AMDHD1: variants seen among roughly 807,000 people sequenced by gnomAD.
The protein encoded by AMDHD1 is amidohydrolase domain containing 1, also known as probable imidazolonepropionase.
In AMDHD1, 45 loss-of-function variants were observed where a neutral mutation model predicts 44.1. The observed-to-expected ratio is 1.02, with a 90% CI of 0.80 to 1.31. AMDHD1 has a LOEUF of 1.31. Ranked by LOEUF, AMDHD1 falls within the 50% of genes most tolerant of loss-of-function variation. AMDHD1 has a pLI of 0.00. For synonymous variants in AMDHD1, 206 were observed against 205.0 expected (o/e 1.00, Z -0.04); for missense variants, 586 against 552.1 (o/e 1.06, Z -0.61).
In AMDHD1 at chr12:95,959,790, C is replaced by CTTTTTTT. The variant is rs63130861; in HGVS notation, c.588-591_588-585dup. Among the ~76,000 whole-genome samples the CTTTTTTT allele has an allele frequency of 2.2e-4, 15 of 67,360 alleles. 1 individual carries two copies. Among genetic ancestry groups the CTTTTTTT allele is most frequent in the African/African-American group, 3.1e-4 (5 of 16,272 alleles). 44.2% of individuals were successfully genotyped at this position (67,360 alleles called of 152,430 possible). ...GAGTGTCCTTGACAGGAAGATTATGCTTTTTTTTTTTTTTTTTTTTTTTGA... is the reference window on the plus strand; with the variant it reads ...GAGTGTCCTTGACAGGAAGATTATGCTTTTTTTTTTTTTTTTTTTTTTTTTTTTTTGA... On this transcript the variant is annotated intron_variant, in intron 4 of 8. Coordinates refer to ENST00000266736, the MANE Select transcript of AMDHD1 (RefSeq NM_152435.3).
At chr12:95,956,360 G>C (rs1210686887) in intron 3 of AMDHD1, among the ~76,000 whole-genome samples, 1 of 152,112 alleles carries the variant, frequency 6.6e-6, no homozygotes, top group African/African-American at 2.4e-5. Context: ...TGCCCACCTA[G>C]GCCTCCCAAA....
intron 1 of AMDHD1, among the ~76,000 whole-genome samples, chr12:95,951,877 CTT>C (rs1275394231): frequency 2.0e-5 from 3 of 152,158 alleles, no homozygotes; most frequent in Non-Finnish European, 4.4e-5. Flanking sequence ...ATTTGTATCT[CTT>C]CTTTTGAAAA....
chr12:95,955,144 G>T (rs926972106), intron 3 of AMDHD1, among the ~76,000 whole-genome samples, 169 bp downstream of exon 3: 1 of 152,072 alleles, frequency 6.6e-6, no homozygotes, highest in Non-Finnish European at 1.5e-5. Context: ...ATTTATAACT[G>T]CCCCAAATCA....
intron 2 of AMDHD1, among the ~76,000 whole-genome samples, chr12:95,954,464 A>C (rs1222525954): frequency 6.6e-6 from 1 of 151,956 alleles, no homozygotes; most frequent in East Asian, 1.9e-4. Flanking sequence ...GCTACTAGGG[A>C]GGCTGAGGTG....
chr12:95,967,588 C>T (rs2080617675), intron 8 of AMDHD1, among the ~76,000 whole-genome samples, 168 bp from the exon 9 acceptor site: 1 of 152,136 alleles, frequency 6.6e-6, no homozygotes, highest in African/African-American at 2.4e-5. Flanking sequence ...GTTTGATTTA[C>T]CATAGACCAG....
intron 1 of AMDHD1, among the ~76,000 whole-genome samples, chr12:95,947,946 T>G (rs1592820674): frequency 3.5e-5 from 4 of 114,872 alleles, no homozygotes; most frequent in African/African-American, 6.7e-5. Flanking sequence ...GGTGGGGGGG[T>G]CAGCCCCCCG....
intron 5 of AMDHD1, 133 bp downstream of exon 5, chr12:95,960,756 A>C: frequency 2.1e-6 from 2 of 963,460 alleles, no homozygotes; most frequent in Non-Finnish European, 3.1e-6. Context: ...CAATGTACAG[A>C]TTGGTCTGGT....
Position 95,954,937 on chromosome 12 carries a change from G to A in AMDHD1, c.271G>A (p.Val91Ile). The A allele has an allele frequency of 6.2e-7, 1 of 1,614,198 alleles. No homozygotes were observed. Among genetic ancestry groups the A allele is most frequent in the Non-Finnish European group, 8.5e-7 (1 of 1,180,032 alleles). ...TTTGGTGGATGCACACACACATCCA[G>A]TATGGGCTGGTGAAAGAGTTCACGA... ...PGLVDAHTHP[V>I]WAGERVHEFA... The change falls in exon 3 of 9, where the codon GTA becomes ATA. Residue 91 changes from valine (V) to isoleucine (I), a missense_variant. Physicochemically the swap from Val to Ile is conservative, Grantham distance 29 (BLOSUM62 3). Transcript: ENST00000266736.
intron 1 of AMDHD1, 54 bp from the exon 2 acceptor site, chr12:95,952,663 G>T: frequency 8.6e-7 from 1 of 1,162,250 alleles, no homozygotes; most frequent in South Asian, 1.3e-5. Context: ...TCACTCATCA[G>T]ATTTCTCACA....
intron 5 of AMDHD1, among the ~76,000 whole-genome samples, chr12:95,961,592 C>T (rs151318310): frequency 3.3e-5 from 5 of 152,298 alleles, no homozygotes; most frequent in African/African-American, 1.2e-4. Context: ...TTGATCTCTT[C>T]GTATTTCTTC....
chr12:95,947,748 G>A (rs1255414168), intron 1 of AMDHD1, among the ~76,000 whole-genome samples: 22 of 77,148 alleles, frequency 2.9e-4, no homozygotes, highest in East Asian at 1.4e-3. Flanking sequence ...CAGCCGCCCC[G>A]TCCGGGAGGG....
At chr12:95,963,853 G>A (rs2080595118) in intron 6 of AMDHD1, among the ~76,000 whole-genome samples, 1 of 152,034 alleles carries the variant, frequency 6.6e-6, no homozygotes, top group Admixed American at 6.6e-5. Flanking sequence ...CAACATGGTT[G>A]AACTCCGTCT....
At chr12:95,967,686 T>C in intron 8 of AMDHD1, 70 bp from the exon 9 acceptor site, 1 of 1,218,202 alleles carries the variant, frequency 8.2e-7, no homozygotes, top group East Asian at 2.5e-5. Flanking sequence ...AATTAGCATT[T>C]ATTGATAAAG....
At chr12:95,955,773 A>T (rs2080546456) in intron 3 of AMDHD1, among the ~76,000 whole-genome samples, 1 of 152,190 alleles carries the variant, frequency 6.6e-6, no homozygotes, top group Non-Finnish European at 1.5e-5. Flanking sequence ...TCCGGCCAGG[A>T]GACCCCAGGC....
rs1403742643 is a variant in AMDHD1, at chr12:95,946,061, C to CTCTCTGTGTG, written c.137+2527_137+2528insCTCTGTGTGT. Among the ~76,000 whole-genome samples, 229 of 122,580 alleles carry CTCTCTGTGTG rather than the reference C, an allele frequency of 1.9e-3. 1 individual carries two copies. Among genetic ancestry groups the CTCTCTGTGTG allele is most frequent in the African/African-American group, 5.8e-3 (219 of 37,754 alleles). 80.4% of individuals were successfully genotyped at this position (122,580 alleles called of 152,430 possible). ...AATTAAGTTCTCTCTCTCTTTCTCT[C>CTCTCTGTGTG]TGTGTGTGTGTGTGTGTGTGTGTGT... On this transcript the variant is annotated intron_variant, in intron 1 of 8. Transcript: ENST00000266736.
rs373119843 is a variant in AMDHD1, at chr12:95,943,352, G to A, written c.-47G>A. ...TTTCGTCCTCCACTGAGTCCTGCCGGTGGCCCGAGCCCGGTGGCCTCCCGG... is the reference window on the plus strand; with the variant it reads ...TTTCGTCCTCCACTGAGTCCTGCCGATGGCCCGAGCCCGGTGGCCTCCCGG... On this transcript the variant is annotated 5_prime_UTR_variant, in exon 1 of 9. In the 5' UTR this introduces an upstream ATG that the reference lacks. Coordinates refer to ENST00000266736, the MANE Select transcript of AMDHD1 (RefSeq NM_152435.3). The A allele has an allele frequency of 1.4e-5, 17 of 1,243,552 alleles. No individual in the cohort carries two copies. In the East Asian group the frequency reaches 4.1e-4, roughly 30 times the overall value. The allele number at this position is 1,243,552 out of a possible 1,614,324, so 77.0% of individuals were successfully genotyped here.
intron 4 of AMDHD1, among the ~76,000 whole-genome samples, chr12:95,958,980 G>A (rs762373956): frequency 3.3e-5 from 5 of 152,042 alleles, no homozygotes; most frequent in African/African-American, 7.2e-5. Context: ...ACTTGAACCC[G>A]GGAGGTGGAA....
Position 95,962,380 on chromosome 12 carries a change from C to A in AMDHD1, c.839C>A (p.Ala280Glu). ...AELGAELGAQ[A>E]ISHLEEVSDE... ...CTTGGGGCTGAACTGGGAGCGCAGG[C>A]AATCAGCCACCTGGAAGAAGTGAGT... Residue 280 changes from alanine (A) to glutamate (E), a missense_variant, in exon 6 of 9, where the codon GCA (alanine) becomes GAA (glutamate). Coordinates refer to ENST00000266736, the MANE Select transcript of AMDHD1 (RefSeq NM_152435.3). 1 of 1,613,826 alleles carries A rather than the reference C, an allele frequency of 6.2e-7. No individual in the cohort carries two copies. Among genetic ancestry groups the A allele is most frequent in the Non-Finnish European group, 8.5e-7 (1 of 1,179,898 alleles).
intron 3 of AMDHD1, 72 bp from the exon 4 acceptor site, chr12:95,956,612 CT>C: frequency 3.2e-6 from 5 of 1,571,230 alleles, no homozygotes; most frequent in South Asian, 1.2e-5. Flanking sequence ...AATATTGCCC[CT>C]GGAAGTAGAT....
Sources: gnomAD v4.1 joint callset for allele counts (sites outside exome capture counted in the v4.1 genomes callset) on GRCh38, gnomAD v4.1.1 for gene constraint, MANE v1.5 for transcripts, NCBI Gene and HGNC (gene_info 2026-07-23, HGNC 2026-07-21) for gene names.